Variants in NHLRC2 observed in about 807,000 individuals in gnomAD.
NHLRC2 encodes NHL repeat-containing protein 2.
NHLRC2 carries 33 observed loss-of-function variants against 68.1 expected under a neutral mutation model. The ratio of observed to expected loss-of-function variants is 0.48; its 90% CI spans 0.37 to 0.65. The LOEUF is 0.65. NHLRC2 is among the 30% of genes least tolerant of loss of function. The pLI, the probability that NHLRC2 is intolerant of heterozygous loss-of-function variation, is 0.00. For synonymous variants in NHLRC2, 311 were observed against 309.6 expected, an observed-to-expected ratio of 1.00 and a Z score of -0.05; for missense variants, 761 against 853.8, an observed-to-expected ratio of 0.89 and a Z score of 1.35.
At chr10:113,879,754 C>A in intron 4 of NHLRC2, 59 bp downstream of exon 4, 1 of 1,115,398 alleles carries the variant, frequency 9.0e-7, no homozygotes, top group Non-Finnish European at 1.3e-6. Context: ...AATGTATTTG[C>A]TACATTAAAT....
intron 2 of NHLRC2, among the ~76,000 whole-genome samples, chr10:113,866,694 A>G (rs1276147914): frequency 6.6e-6 from 1 of 152,044 alleles, no homozygotes; most frequent in Non-Finnish European, 1.5e-5. Flanking sequence ...AAGTCTATAT[A>G]TAATTTCACT....
At chr10:113,905,493 A>G (rs1180803494) in intron 10 of NHLRC2, among the ~76,000 whole-genome samples, 1 of 152,024 alleles carries the variant, frequency 6.6e-6, no homozygotes, top group Non-Finnish European at 1.5e-5. Flanking sequence ...CTAGCTCCTT[A>G]TTTCATTAAT....
At chr10:113,872,289 C>T (rs1845933986) in intron 2 of NHLRC2, among the ~76,000 whole-genome samples, 1 of 152,106 alleles carries the variant, frequency 6.6e-6, no homozygotes, top group African/African-American at 2.4e-5. Context: ...GATATATCAA[C>T]CCCTCCTTAC....
intron 4 of NHLRC2, among the ~76,000 whole-genome samples, chr10:113,882,889 A>G (rs1026135699): frequency 6.6e-6 from 1 of 151,740 alleles, no homozygotes; most frequent in Non-Finnish European, 1.5e-5. Context: ...TAGGGGTTCA[A>G]CTTCATTCTT....
intron 8 of NHLRC2, 22 bp from the exon 9 acceptor site, chr10:113,903,505 G>C (rs1846246058): frequency 6.8e-7 from 1 of 1,469,540 alleles, no homozygotes; most frequent in Non-Finnish European, 9.5e-7. Flanking sequence ...AGTTATATAA[G>C]TTTTTGTTCT....
chr10:113,857,231 C>G (rs1472827458), intron 1 of NHLRC2, among the ~76,000 whole-genome samples: 1 of 152,098 alleles, frequency 6.6e-6, no homozygotes, highest in Non-Finnish European at 1.5e-5. Flanking sequence ...ACCCCCTGAT[C>G]TAAGCCACTC....
intron 2 of NHLRC2, among the ~76,000 whole-genome samples, chr10:113,867,342 A>G (rs1032984536): frequency 6.6e-6 from 1 of 152,184 alleles, no homozygotes; most frequent in Admixed American, 6.5e-5. Flanking sequence ...ATGTTCTTAA[A>G]TAAAGTACTA....
intron 3 of NHLRC2, 29 bp downstream of exon 3, chr10:113,877,005 A>G: frequency 7.6e-7 from 1 of 1,322,986 alleles, no homozygotes; most frequent in Non-Finnish European, 1.0e-6. Context: ...TACGATAGAT[A>G]ACGTGTTTTA....
intron 2 of NHLRC2, among the ~76,000 whole-genome samples, chr10:113,860,540 A>G (rs1324795400): frequency 6.6e-6 from 1 of 152,216 alleles, no homozygotes; most frequent in Non-Finnish European, 1.5e-5. Context: ...AGAACAGGGA[A>G]GTACAGCCCA....
intron 1 of NHLRC2, among the ~76,000 whole-genome samples, chr10:113,858,061 T>TG: frequency 6.6e-6 from 1 of 151,048 alleles, no homozygotes; most frequent in East Asian, 1.9e-4. Context: ...TTTTTTTTTT[T>TG]GCCTAAGTGT....
At position 113,912,086 on chromosome 10, in the gene NHLRC2, T is replaced by C. The variant is rs1203576987; in HGVS notation, c.*3550T>C. 1.3e-5 allele frequency: 2 copies of C among 152,224 alleles called. No individual in the cohort carries two copies. The highest frequency in any genetic ancestry group is 2.9e-5 in the Non-Finnish European group (2 of 68,042). 9.4% of individuals were successfully genotyped at this position (152,224 alleles called of 1,614,324 possible). A position where few individuals can be genotyped will look rare whatever the true frequency, so the allele number is the denominator to read the frequency against. ...GTACGTGATTTCGTGAAGATAGCAATGGTTATGGCTTTTTTGTTCTGTTAT... is the reference window on the plus strand; with the variant it reads ...GTACGTGATTTCGTGAAGATAGCAACGGTTATGGCTTTTTTGTTCTGTTAT... On this transcript the variant is annotated 3_prime_UTR_variant, in exon 11 of 11. Transcript: ENST00000369301.
At chr10:113,864,259 T>C (rs1317176530) in intron 2 of NHLRC2, among the ~76,000 whole-genome samples, 1 of 152,210 alleles carries the variant, frequency 6.6e-6, no homozygotes, top group Non-Finnish European at 1.5e-5. Context: ...TATTGTTTAA[T>C]GGGTACATTT....
intron 1 of NHLRC2, among the ~76,000 whole-genome samples, chr10:113,857,753 A>G (rs1239223587): frequency 6.6e-6 from 1 of 152,130 alleles, no homozygotes; most frequent in East Asian, 1.9e-4. Flanking sequence ...TTCTTCATTA[A>G]TATTAATGTT....
chr10:113,915,852 C>T lies in NHLRC2; in HGVS notation c.*7316C>T, dbSNP rs1846379599. ...ATGGGGACTTGCTATGTTGCCCAGA[C>T]TGGTCTCGAACTCCTGGCCTCAAGC... On this transcript the variant is annotated 3_prime_UTR_variant, in exon 11 of 11. Transcript: ENST00000369301. The T allele has an allele frequency of 6.6e-6, 1 of 152,512 alleles. No homozygotes were observed. Among genetic ancestry groups the T allele is most frequent in the Admixed American group, 6.6e-5 (1 of 15,264 alleles). The allele number at this position is 152,512 out of a possible 1,614,324, so 9.4% of individuals were successfully genotyped here.
Position 113,880,065 on chromosome 10 carries a change from C to T in NHLRC2, c.909+370C>T, listed in dbSNP as rs568561039. Among the ~76,000 whole-genome samples, 12 of 152,098 alleles carry T rather than the reference C, an allele frequency of 7.9e-5. No individual in the cohort carries two copies. The South Asian group carries it at 2.3e-3, about 29-fold the overall frequency. ...AAATCCTACCATTCCTGCTTCTATT[C>T]AACTTTTATGCTTTGGCTGGAAATA... is the stretch of plus-strand genomic sequence containing the variant. On this transcript the variant is annotated intron_variant, in intron 4 of 10. Coordinates refer to ENST00000369301, the MANE Select transcript of NHLRC2 (RefSeq NM_198514.4).
chr10:113,902,430 T>C, intron 7 of NHLRC2, 41 bp from the exon 8 acceptor site: 1 of 1,334,746 alleles, frequency 7.5e-7, no homozygotes. Context: ...CTGTAAAAAT[T>C]ATAATAACTG....
chr10:113,872,866 A>G (rs1048127254), intron 2 of NHLRC2, among the ~76,000 whole-genome samples: 8 of 152,160 alleles, frequency 5.3e-5, no homozygotes, highest in Non-Finnish European at 7.3e-5. Context: ...CAAGAAAATC[A>G]GAACAGCTGA....
intron 8 of NHLRC2, among the ~76,000 whole-genome samples, chr10:113,903,111 C>T (rs1043665607): frequency 6.6e-6 from 1 of 152,050 alleles, no homozygotes; most frequent in African/African-American, 2.4e-5. Flanking sequence ...ATAATTGAGA[C>T]ATAACTGTCA....
Position 113,915,498 on chromosome 10 carries a change from C to A in NHLRC2, c.*6962C>A, listed in dbSNP as rs540003218. ...GAATAATACGGACATAGTTTACTAC[C>A]TTTTGCTTTTAATATACCTGGTTAT... On this transcript the variant is annotated 3_prime_UTR_variant, in exon 11 of 11. Transcript: ENST00000369301. The A allele has an allele frequency of 6.9e-6, 2 of 291,276 alleles. No homozygotes were observed. The highest frequency in any genetic ancestry group is 3.2e-5 in the South Asian group (1 of 31,726). 18.0% of individuals were successfully genotyped at this position (291,276 alleles called of 1,614,324 possible). A position where few individuals can be genotyped will look rare whatever the true frequency, so the allele number is the denominator to read the frequency against.
Sources: allele counts gnomAD v4.1 joint callset (sites outside exome capture counted in the v4.1 genomes callset), GRCh38; gene constraint gnomAD v4.1.1; transcripts MANE v1.5; gene names NCBI Gene and HGNC (gene_info 2026-07-23, HGNC 2026-07-21).